The following DHX9 variants were observed in gnomAD, a reference collection of about 807,000 sequenced individuals.
The protein encoded by DHX9 is DExH-box helicase 9.
Under a neutral mutation model 148.7 loss-of-function variants are expected in DHX9, and 27 were observed. The ratio of observed to expected loss-of-function variants is 0.18; its 90% CI spans 0.13 to 0.25. DHX9 has a LOEUF of 0.25. DHX9 is among the 10% of genes least tolerant of loss of function. DHX9 has a pLI of 1.00. For missense variants in DHX9, 796 were observed against 1,559.6 expected, an observed-to-expected ratio of 0.51 and a Z score of 8.25; for synonymous variants, 529 against 516.6, an observed-to-expected ratio of 1.02 and a Z score of -0.33.
intron 3 of DHX9, among the ~76,000 whole-genome samples, chr1:182,844,664 G>A (rs550954174): frequency 6.6e-6 from 1 of 152,292 alleles, no homozygotes; most frequent in East Asian, 1.9e-4. Flanking sequence ...CTCCTAAGTA[G>A]CTGGGATTAC....
At chr1:182,864,370 A>G (rs900990745) in intron 12 of DHX9, among the ~76,000 whole-genome samples, 3 of 152,198 alleles carry the variant, frequency 2.0e-5, no homozygotes, top group Non-Finnish European at 4.4e-5. Flanking sequence ...CTGGCTAGCT[A>G]CCATACCGGG....
intron 12 of DHX9, among the ~76,000 whole-genome samples, chr1:182,862,707 G>A (rs1171822363): frequency 2.0e-5 from 3 of 152,178 alleles, no homozygotes; most frequent in Admixed American, 2.0e-4. Context: ...GCAAAGTTGG[G>A]ACCTTTTAGA....
At chr1:182,864,644 A>G (rs1419091579) in intron 12 of DHX9, among the ~76,000 whole-genome samples, 1 of 152,242 alleles carries the variant, frequency 6.6e-6, no homozygotes, top group African/African-American at 2.4e-5. Context: ...TTGGTAAATC[A>G]GAGAAGCATA....
chr1:182,879,144 A>G, intron 20 of DHX9, 106 bp from the exon 21 acceptor site: 2 of 883,408 alleles, frequency 2.3e-6, no homozygotes, highest in Non-Finnish European at 3.2e-6. Context: ...AAATAAAAGG[A>G]TGAGGAAAAG....
chr1:182,842,711 T>G (rs1557961835), intron 2 of DHX9, 34 bp downstream of exon 2: 1 of 1,531,302 alleles, frequency 6.5e-7, no homozygotes, highest in African/African-American at 1.4e-5. Flanking sequence ...TTATGTGATT[T>G]ATGAGGTTCA....
At chr1:182,856,829 C>T (rs1170077104) in intron 7 of DHX9, among the ~76,000 whole-genome samples, 2 of 152,166 alleles carry the variant, frequency 1.3e-5, no homozygotes, top group East Asian at 3.9e-4. Flanking sequence ...GATTAGGAGT[C>T]TGCCAGTGTC....
intron 27 of DHX9, 25 bp downstream of exon 27, chr1:182,884,838 G>A: frequency 6.2e-7 from 1 of 1,608,778 alleles, no homozygotes; most frequent in Non-Finnish European, 8.5e-7. Flanking sequence ...ACTTCTTACT[G>A]AACCAAGTAG....
At chr1:182,849,637 G>A (rs1179743235) in intron 3 of DHX9, among the ~76,000 whole-genome samples, 1 of 152,162 alleles carries the variant, frequency 6.6e-6, no homozygotes, top group Non-Finnish European at 1.5e-5. Flanking sequence ...AATGTCAGTG[G>A]TGCTAATGTT....
intron 15 of DHX9, among the ~76,000 whole-genome samples, chr1:182,873,175 C>T (rs1557976224): frequency 6.6e-6 from 1 of 152,136 alleles, no homozygotes; most frequent in East Asian, 1.9e-4. Flanking sequence ...AAGCTGCTCT[C>T]AAACTCATGG....
rs534064512 is a variant in DHX9 at position 182,879,418 on chromosome 1, C to A, written c.2512+8C>A. On this transcript the variant is annotated splice_region_variant and intron_variant, in intron 21 of 27. Coordinates refer to ENST00000367549, the MANE Select transcript of DHX9 (RefSeq NM_001357.5). The stretch of plus-strand genomic sequence containing the variant: ...CAGAACACACTCTTAGAGGTACTTA[C>A]AAATACAAACCTACTTGACGCAGAT... 5.0e-5 allele frequency: 72 copies of A among 1,446,284 alleles called. No homozygotes were observed. The South Asian group carries it at 5.5e-4, about 11-fold the overall frequency. The allele number at this position is 1,446,284 out of a possible 1,614,324, so 89.6% of individuals were successfully genotyped here.
At chr1:182,841,164 G>C (rs1432476250) in intron 1 of DHX9, among the ~76,000 whole-genome samples, 1 of 152,006 alleles carries the variant, frequency 6.6e-6, no homozygotes, top group Non-Finnish European at 1.5e-5. Flanking sequence ...GGTGGCGGGC[G>C]CCTGTTGTCC....
At chr1:182,877,810 G>A (rs1557977946) in intron 19 of DHX9, 2 of 552,120 alleles carry the variant, frequency 3.6e-6, no homozygotes, top group Non-Finnish European at 6.2e-6. Context: ...CAGCTGATAA[G>A]TGGCAAGTGG....
intron 14 of DHX9, among the ~76,000 whole-genome samples, chr1:182,869,338 G>A (rs1255275518): frequency 3.3e-5 from 5 of 151,960 alleles, no homozygotes; most frequent in South Asian, 4.1e-4. Flanking sequence ...GGTTCAGCCC[G>A]GTCTTGTCCA....
Position 182,867,146 on chromosome 1 carries a change from A to C in DHX9, c.1557+103A>C, listed in dbSNP as rs1381128867. On this transcript the variant is annotated intron_variant, in intron 14 of 27. Coordinates refer to ENST00000367549, the MANE Select transcript of DHX9 (RefSeq NM_001357.5). ...CCTTTCCCCCGTTTTTATCATTATC[A>C]AAACCATGAACTTCAGTCACTAAGA... The C allele has an allele frequency of 5.8e-6, 4 of 689,964 alleles. No individual in the cohort carries two copies. In the South Asian group the frequency reaches 1.1e-4, roughly 18 times the overall value. 42.7% of individuals were successfully genotyped at this position (689,964 alleles called of 1,614,324 possible).
chr1:182,886,901 CAGAT>C (rs1649355555), intron 27 of DHX9, among the ~76,000 whole-genome samples, 178 bp from the exon 28 acceptor site: 2 of 152,188 alleles, frequency 1.3e-5, no homozygotes, highest in Admixed American at 1.3e-4. Context: ...TTCAGAAAAA[CAGAT>C]GGATACAATT....
intron 4 of DHX9, 39 bp downstream of exon 4, chr1:182,852,383 A>T: frequency 1.4e-6 from 2 of 1,385,862 alleles, no homozygotes; most frequent in Non-Finnish European, 2.0e-6. Context: ...GGAGAATAAG[A>T]TATACACAAT....
At chr1:182,884,931 T>G (rs1188219181) in intron 27 of DHX9, 118 bp downstream of exon 27, 2 of 813,350 alleles carry the variant, frequency 2.5e-6, no homozygotes, top group Non-Finnish European at 2.0e-6. Flanking sequence ...TAGATATAGA[T>G]AGAGCTATAT....
intron 24 of DHX9, among the ~76,000 whole-genome samples, chr1:182,882,044 T>C (rs1649107559): frequency 6.6e-6 from 1 of 152,190 alleles, no homozygotes. Flanking sequence ...TCCTAAAACA[T>C]TGAGAACTGG....
chr1:182,871,910 G>A (rs543953782), intron 14 of DHX9, among the ~76,000 whole-genome samples: 142 of 152,242 alleles, frequency 9.3e-4, no homozygotes, highest in Non-Finnish European at 1.4e-3. Context: ...GGGTTCAAGT[G>A]ATTATCCTGC....
Sources: allele counts gnomAD v4.1 joint callset (sites outside exome capture counted in the v4.1 genomes callset), GRCh38; gene constraint gnomAD v4.1.1; transcripts MANE v1.5; gene names NCBI Gene and HGNC (gene_info 2026-07-23, HGNC 2026-07-21).